ATP7B: variants seen among roughly 807,000 people sequenced by gnomAD.
ATP7B encodes the protein copper-transporting ATPase 2.
A neutral mutation model predicts 118.9 loss-of-function variants in ATP7B; 113 were observed. That is an observed-to-expected ratio of 0.95 (90% CI 0.82 to 1.11). The LOEUF is 1.11. ATP7B is among the 50% of genes most tolerant of loss of function. The pLI is 0.00. For synonymous variants in ATP7B, 777 were observed against 727.4 expected, an observed-to-expected ratio of 1.07 and a Z score of -1.10; for missense variants, 1,867 against 1,871.4, an observed-to-expected ratio of 1.00 and a Z score of 0.04.
chr13:51,974,597 G>A lies in ATP7B; in HGVS notation c.623C>T (p.Ala208Val), dbSNP rs754738204. 1.4e-5 allele frequency: 22 copies of A among 1,613,774 alleles called. No homozygotes were observed. Among genetic ancestry groups the A allele is most frequent in the Middle Eastern group, 1.6e-4 (1 of 6,084 alleles). Residue 208 changes from alanine (A) to valine (V), a missense_variant, in exon 2 of 21, where the codon GCT (alanine) becomes GTT (valine). Coordinates refer to ENST00000242839, the MANE Select transcript of ATP7B (RefSeq NM_000053.4). ...RDHVNDMGFE[A>V]AIKSKVAPLS... is the part of the protein sequence containing the mutation. ...GGGAGCCACTTTGCTCTTGATGGCAGCTTCAAATCCCATGTCATTTACATG... is the reference window on the plus strand; with the variant it reads ...GGGAGCCACTTTGCTCTTGATGGCAACTTCAAATCCCATGTCATTTACATG...
Position 51,958,410 on chromosome 13 carries a change from C to T in ATP7B, c.2256G>A (p.Val752=). ...CAGGGCTCCTCTCCGCCTTCTCAGC[C>T]ACAGCAACCACCAGGATGACCAGAG... The part of the protein sequence containing the change: ...VYSLVILVVA[V]AEKAERSPVT... The change falls in exon 8 of 21, where the codon GTG becomes GTA. Residue 752 remains valine (V), a synonymous_variant. Coordinates refer to ENST00000242839, the MANE Select transcript of ATP7B (RefSeq NM_000053.4). 1 of 1,614,182 alleles carries T rather than the reference C, an allele frequency of 6.2e-7. No individual in the cohort carries two copies. Among genetic ancestry groups the T allele is most frequent in the South Asian group, 1.1e-5 (1 of 91,084 alleles).
intron 16 of ATP7B, 110 bp from the exon 17 acceptor site, chr13:51,939,303 A>G (rs1957173597): frequency 1.3e-6 from 2 of 1,481,832 alleles, no homozygotes; most frequent in Non-Finnish European, 1.8e-6. Flanking sequence ...AAAACAAAAC[A>G]TCAAATTATA....
At chr13:51,977,226 G>A (rs1952163522) in intron 1 of ATP7B, among the ~76,000 whole-genome samples, 1 of 41,184 alleles carries the variant, frequency 2.4e-5, no homozygotes, top group East Asian at 7.9e-4. Flanking sequence ...CTTCATAAAC[G>A]TTTAATTTTT....
At chr13:51,951,416 C>T (rs781606319) in intron 9 of ATP7B, among the ~76,000 whole-genome samples, 1 of 152,048 alleles carries the variant, frequency 6.6e-6, no homozygotes, top group African/African-American at 2.4e-5. Context: ...TTTGACATGT[C>T]GGGTTTGAGA....
chr13:52,003,736 G>C (rs145708644), intron 1 of ATP7B, among the ~76,000 whole-genome samples: 2 of 152,316 alleles, frequency 1.3e-5, no homozygotes, highest in Admixed American at 1.3e-4. Flanking sequence ...CGGGGCTTGC[G>C]GCCACAGGAG....
chr13:51,938,919 A>T, intron 17 of ATP7B, 132 bp downstream of exon 17: 2 of 1,406,672 alleles, frequency 1.4e-6, no homozygotes, highest in Non-Finnish European at 2.0e-6. Flanking sequence ...AGAATGAAAC[A>T]CGTGGAGAGA....
intron 12 of ATP7B, among the ~76,000 whole-genome samples, chr13:51,948,995 T>C (rs1006756235): frequency 6.6e-6 from 1 of 152,122 alleles, no homozygotes; most frequent in African/African-American, 2.4e-5. Context: ...GCCTGACTAA[T>C]ACGGTGAAAC....
chr13:51,998,237 G>A (rs993688663), intron 1 of ATP7B, among the ~76,000 whole-genome samples: 9 of 152,114 alleles, frequency 5.9e-5, no homozygotes, highest in African/African-American at 1.4e-4. Flanking sequence ...TCTGTCCACC[G>A]AGGCTGCAGT....
intron 15 of ATP7B, among the ~76,000 whole-genome samples, chr13:51,941,674 G>A (rs188541992): frequency 8.5e-5 from 13 of 152,256 alleles, no homozygotes; most frequent in African/African-American, 1.7e-4. Context: ...TGTAACTCCC[G>A]AGGCTAATGC....
At chr13:51,947,516 G>C (rs997303300) in intron 12 of ATP7B, among the ~76,000 whole-genome samples, 1 of 152,162 alleles carries the variant, frequency 6.6e-6, no homozygotes, top group South Asian at 2.1e-4. Context: ...ATAGTAAAAA[G>C]CACAGTTGTC....
At chr13:51,967,050 G>A (rs1039661988) in intron 4 of ATP7B, 1 of 1,608,738 alleles carries the variant, frequency 6.2e-7, no homozygotes, top group Non-Finnish European at 8.5e-7. Flanking sequence ...GGGATGGGAA[G>A]GAAAGCACAA....
chr13:51,974,829 C>T lies in ATP7B; in HGVS notation c.391G>A (p.Ala131Thr), dbSNP rs779436433. Residue 131 changes from alanine (A) to threonine (T), a missense_variant, in exon 2 of 21, where the codon GCC (alanine) becomes ACC (threonine). Coordinates refer to ENST00000242839, the MANE Select transcript of ATP7B (RefSeq NM_000053.4). ...GGCAAGGACCTTGAGGGCCAGGAGG[C>T]TGCCTTTCCTTCTGCAATGCTGGCC... ...FEASIAEGKA[A>T]SWPSRSLPAQ... 2 of 1,614,232 alleles carry T rather than the reference C, an allele frequency of 1.2e-6. No individual in the cohort carries two copies. The highest frequency in any genetic ancestry group is 3.3e-5 in the Admixed American group (2 of 60,028).
At chr13:51,988,961 C>T (rs887713930) in intron 1 of ATP7B, among the ~76,000 whole-genome samples, 3 of 151,960 alleles carry the variant, frequency 2.0e-5, no homozygotes, top group Admixed American at 6.6e-5. Context: ...ATGTAGATGA[C>T]GGTTTGATGG....
At chr13:52,006,952 AG>A in intron 1 of ATP7B, among the ~76,000 whole-genome samples, 1 of 152,126 alleles carries the variant, frequency 6.6e-6, no homozygotes, top group Non-Finnish European at 1.5e-5. Flanking sequence ...CATCCAGCAC[AG>A]GGGCTGACCT....
intron 9 of ATP7B, among the ~76,000 whole-genome samples, chr13:51,952,818 CA>C (rs1407977123): frequency 4.6e-5 from 7 of 152,216 alleles, no homozygotes; most frequent in African/African-American, 7.2e-5. Flanking sequence ...CACCTGTACA[CA>C]GTAAGTGCCC....
intron 12 of ATP7B, 65 bp from the exon 13 acceptor site, chr13:51,946,543 C>A (rs1216188211): frequency 6.4e-7 from 1 of 1,569,992 alleles, no homozygotes; most frequent in African/African-American, 1.4e-5. Flanking sequence ...GAACTCTAAT[C>A]ACATAAGGAC....
intron 1 of ATP7B, among the ~76,000 whole-genome samples, chr13:51,999,499 G>A (rs567911607): frequency 6.6e-6 from 1 of 152,302 alleles, no homozygotes; most frequent in African/African-American, 2.4e-5. Context: ...AGTGAAAAAC[G>A]ATTATGATAG....
intron 2 of ATP7B, 127 bp downstream of exon 2, chr13:51,973,808 C>A: frequency 7.3e-7 from 1 of 1,373,178 alleles, no homozygotes; most frequent in Non-Finnish European, 1.0e-6. Flanking sequence ...GGAAAGTTTG[C>A]AGGATTTTGT....
chr13:51,949,761 T>A lies in ATP7B; in HGVS notation c.2766A>T (p.Gly922=). The A allele has an allele frequency of 6.2e-7, 1 of 1,613,886 alleles. No individual in the cohort carries two copies. Among genetic ancestry groups the A allele is most frequent in the Non-Finnish European group, 8.5e-7 (1 of 1,180,002 alleles). The change falls in exon 12 of 21, where the codon GGA becomes GGT. Residue 922 remains glycine (G), a synonymous_variant. Coordinates refer to ENST00000242839, the MANE Select transcript of ATP7B (RefSeq NM_000053.4). ...PIQQLADRFS[G]YFVPFIIIMS... Reference sequence around the variant, plus strand: ...TGATGATGATAAATGGGACAAAATATCCACTAAACCGGTCAGCCAGCTGCT... The same window carrying A: ...TGATGATGATAAATGGGACAAAATAACCACTAAACCGGTCAGCCAGCTGCT...
Sources: gnomAD v4.1 joint callset for allele counts (sites outside exome capture counted in the v4.1 genomes callset) on GRCh38, gnomAD v4.1.1 for gene constraint, MANE v1.5 for transcripts, NCBI Gene and HGNC (gene_info 2026-07-23, HGNC 2026-07-21) for gene names.